RAF1: variants seen among roughly 807,000 people sequenced by gnomAD.
RAF1 encodes the protein Raf-1 proto-oncogene, serine/threonine kinase.
A neutral mutation model predicts 81.1 loss-of-function variants in RAF1; 27 were observed. The ratio of observed to expected loss-of-function variants is 0.33; its 90% CI spans 0.25 to 0.46. The LOEUF (loss-of-function observed/expected upper bound fraction) is 0.46. Among genes scored for constraint, RAF1 ranks in the 20% least tolerant of loss-of-function variants. RAF1 has a pLI of 1.00. For synonymous variants in RAF1, 298 were observed against 294.0 expected (o/e 1.01, Z -0.14); for missense variants, 598 against 826.0 (o/e 0.72, Z 3.38).
intron 1 of RAF1, among the ~76,000 whole-genome samples, chr3:12,625,406 A>G (rs997621644): frequency 1.3e-5 from 2 of 152,192 alleles, no homozygotes; most frequent in African/African-American, 2.4e-5. Context: ...TAAAAAGGCA[A>G]AACATCTAGC....
rs764647825 is a variant in RAF1, at chr3:12,618,509, A to C, written c.207+6T>G. On this transcript the variant is annotated splice_donor_region_variant and intron_variant, in intron 2 of 17. Coordinates refer to ENST00000442415, the MANE Select transcript of RAF1 (RefSeq NM_001354689.3). ...GCTAAATTTCCTAAGTAGAATGTTC[A>C]CATACCACTGTTCTTTGCTTGTTCG... 6.2e-7 allele frequency: 1 copy of C among 1,614,104 alleles called. No homozygotes were observed. The highest frequency in any genetic ancestry group is 8.5e-7 in the Non-Finnish European group (1 of 1,179,940).
chr3:12,593,019 T>C (rs2016492), intron 11 of RAF1, among the ~76,000 whole-genome samples: 88,961 of 150,474 alleles, frequency 0.59, 27,378 homozygotes, highest in African/African-American at 0.72. Flanking sequence ...GGATTACAGG[T>C]ATGAGCCACC....
intron 1 of RAF1, among the ~76,000 whole-genome samples, chr3:12,632,138 C>A (rs1575625681): frequency 6.6e-6 from 1 of 151,776 alleles, no homozygotes; most frequent in African/African-American, 2.4e-5. Flanking sequence ...CCAGCCTGGC[C>A]CATGGTGAAA....
At chr3:12,605,980 A>C (rs950589921) in intron 6 of RAF1, among the ~76,000 whole-genome samples, 5 of 152,352 alleles carry the variant, frequency 3.3e-5, no homozygotes, top group African/African-American at 9.6e-5. Flanking sequence ...ATAACAGAAG[A>C]AGCTACAGTC....
intron 1 of RAF1, among the ~76,000 whole-genome samples, chr3:12,656,335 AGT>A (rs2060693667): frequency 6.6e-6 from 1 of 152,096 alleles, no homozygotes; most frequent in Admixed American, 6.6e-5. Context: ...CTGAAGAGTC[AGT>A]GTCCTGCTAA....
intron 11 of RAF1, among the ~76,000 whole-genome samples, chr3:12,596,190 CTTT>C (rs2058681021): frequency 1.1e-5 from 1 of 91,460 alleles, no homozygotes; most frequent in Non-Finnish European, 2.0e-5. Context: ...AAGAATTTTT[CTTT>C]CTTTTTTTTT....
chr3:12,623,423 T>A (rs1460405952), intron 1 of RAF1, among the ~76,000 whole-genome samples: 1 of 149,958 alleles, frequency 6.7e-6, no homozygotes, highest in Non-Finnish European at 1.5e-5. Flanking sequence ...ACACCTACTT[T>A]ATTTAATTCA....
At chr3:12,584,691 G>C (rs2125317828) in intron 17 of RAF1, 34 bp from the exon 17 acceptor site, 1 of 1,614,008 alleles carries the variant, frequency 6.2e-7, no homozygotes, top group Non-Finnish European at 8.5e-7. Flanking sequence ...CTCATTAGCT[G>C]TGTCTCAAAG....
intron 5 of RAF1, among the ~76,000 whole-genome samples, chr3:12,606,706 ATTTTT>A (rs572934031): frequency 3.4e-5 from 5 of 148,840 alleles, no homozygotes; most frequent in Non-Finnish European, 6.0e-5. Flanking sequence ...TAATTTTCGT[ATTTTT>A]TTTTTAATTA....
intron 5 of RAF1, 59 bp downstream of exon 5, chr3:12,608,707 C>A (rs2059115503): frequency 1.3e-6 from 2 of 1,561,972 alleles, no homozygotes; most frequent in South Asian, 2.2e-5. Flanking sequence ...AACAAATACC[C>A]TTTAAAGTAT....
Position 12,609,317 on chromosome 3 carries a change from A to G in RAF1, c.339T>C (p.Asp113=), listed in dbSNP as rs765774358. The G allele has an allele frequency of 1.9e-6, 3 of 1,612,972 alleles. No individual in the cohort carries two copies. The South Asian group carries it at 3.3e-5, about 18-fold the overall frequency. The change falls in exon 4 of 18, where the codon GAT becomes GAC. Residue 113 remains aspartate (D), a synonymous_variant. Transcript: ENST00000442415. ...TCAAAGACGCAGCATCAGTATTCCAATCTAAGCGTGCTTTTTTACTAGAAA... is the reference window on the plus strand; with the variant it reads ...TCAAAGACGCAGCATCAGTATTCCAGTCTAAGCGTGCTTTTTTACTAGAAA...
chr3:12,597,896 A>C (rs2058733810), intron 11 of RAF1, among the ~76,000 whole-genome samples: 1 of 151,530 alleles, frequency 6.6e-6, no homozygotes, highest in South Asian at 2.1e-4. Context: ...CAGCCTGGGC[A>C]ACAGAGCCAG....
chr3:12,584,731 T>C, intron 17 of RAF1, 74 bp from the exon 17 acceptor site: 1 of 1,613,168 alleles, frequency 6.2e-7, no homozygotes, highest in East Asian at 2.2e-5. Context: ...CCCCACCATC[T>C]TGTAGAGGAC....
At chr3:12,598,929 G>A (rs2454456) in intron 11 of RAF1, among the ~76,000 whole-genome samples, 23,229 of 151,878 alleles carry the variant, frequency 0.15, 2,214 homozygotes, top group Non-Finnish European at 0.23. Flanking sequence ...TTGCTTTATT[G>A]TAATCTGAAT....
intron 11 of RAF1, 151 bp from the exon 11 acceptor site, chr3:12,591,943 A>G: frequency 1.6e-6 from 1 of 637,158 alleles, no homozygotes; most frequent in South Asian, 1.6e-5. Context: ...TTTTTTTTTG[A>G]GACAGGGTCT....
At chr3:12,661,312 CACT>C (rs2060870655) in intron 1 of RAF1, among the ~76,000 whole-genome samples, 1 of 152,138 alleles carries the variant, frequency 6.6e-6, no homozygotes, top group East Asian at 1.9e-4. Flanking sequence ...TTATAAAATA[CACT>C]TATTAAACTA....
At chr3:12,631,325 G>A (rs889705001) in intron 1 of RAF1, among the ~76,000 whole-genome samples, 1 of 152,152 alleles carries the variant, frequency 6.6e-6, no homozygotes, top group African/African-American at 2.4e-5. Context: ...GTGGCCAGGC[G>A]CAGTGGCTCA....
At chr3:12,608,709 T>A in intron 5 of RAF1, 57 bp downstream of exon 5, 1 of 1,567,934 alleles carries the variant, frequency 6.4e-7, no homozygotes, top group Non-Finnish European at 8.8e-7. Context: ...CAAATACCCT[T>A]TAAAGTATGT....
At chr3:12,593,801 T>C (rs1298464752) in intron 11 of RAF1, among the ~76,000 whole-genome samples, 10 of 133,480 alleles carry the variant, frequency 7.5e-5, no homozygotes, top group Non-Finnish European at 1.4e-4. Context: ...TTTTTTTTTT[T>C]TTTTCTTTTT....
Sources: gnomAD v4.1 joint callset for allele counts (sites outside exome capture counted in the v4.1 genomes callset) on GRCh38, gnomAD v4.1.1 for gene constraint, MANE v1.5 for transcripts, NCBI Gene and HGNC (gene_info 2026-07-23, HGNC 2026-07-21) for gene names.